SYNE1: variants seen among roughly 807,000 people sequenced by gnomAD.
The protein encoded by SYNE1 is nesprin-1.
SYNE1 carries 616 observed loss-of-function variants against 1,111.0 expected under a neutral mutation model. The ratio of observed to expected loss-of-function variants is 0.55; its 90% confidence interval spans 0.52 to 0.59. The LOEUF is 0.59. SYNE1 is among the 20% of genes least tolerant of loss of function. The pLI is 0.00. For synonymous variants in SYNE1, 3,855 were observed against 3,825.8 expected (o/e 1.01, Z -0.28); for missense variants, 10,006 against 10,417.0 (o/e 0.96, Z 1.72).
intron 56 of SYNE1, among the ~76,000 whole-genome samples, chr6:152,378,737 A>T (rs2097339893): frequency 6.6e-6 from 1 of 152,024 alleles, no homozygotes; most frequent in South Asian, 2.1e-4. Context: ...TCCTTTAAGT[A>T]CCCCCTGCCC....
At chr6:152,398,118 A>T (rs2097763881) in intron 49 of SYNE1, among the ~76,000 whole-genome samples, 5 of 152,104 alleles carry the variant, frequency 3.3e-5, no homozygotes, top group Admixed American at 3.3e-4. Context: ...TCTGTAAATC[A>T]TTTCTTAACT....
At chr6:152,411,904 G>T (rs779133182) in intron 42 of SYNE1, among the ~76,000 whole-genome samples, 5 of 152,092 alleles carry the variant, frequency 3.3e-5, no homozygotes, top group Non-Finnish European at 7.4e-5. Flanking sequence ...AGTTTGGCAG[G>T]TTCTTATAAA....
chr6:152,409,563 G>A lies in SYNE1; in HGVS notation c.6377C>T (p.Ser2126Phe), dbSNP rs1258276860. The change falls in exon 43 of 146, where the codon TCC (serine) becomes TTC (phenylalanine). Residue 2126 changes from serine to phenylalanine, a missense_variant. Around this residue, in one of 7 missense-constraint regions of SYNE1, gnomAD observed 4,955 missense variants for 5,017.2 expected, o/e 0.99. Coordinates refer to ENST00000367255, the MANE Select transcript of SYNE1 (RefSeq NM_182961.4). ...KDQEDLKWAF[S>F]KHETAKNKMN... ...TAAACACATTTTGAATTTTACCTTG[G>A]AAAAAGCCCATTTAAGATCCTCCTG... The A allele has an allele frequency of 6.2e-7, 1 of 1,613,404 alleles. No homozygotes were observed. The highest frequency in any genetic ancestry group is 2.2e-5 in the East Asian group (1 of 44,812).
Position 152,526,107 on chromosome 6 carries a change from A to G in SYNE1, c.198T>C (p.Leu66=), listed in dbSNP as rs2099162343. 6.2e-7 allele frequency: 1 copy of G among 1,614,022 alleles called. No individual in the cohort carries two copies. Among genetic ancestry groups the G allele is most frequent in the African/African-American group, 1.3e-5 (1 of 74,944 alleles). Residue 66 remains leucine, a synonymous_variant, in exon 5 of 146, where the codon CTT becomes CTC. Transcript: ENST00000367255. ...GTTTCTGCCCAGACAGGACCTCCAG[A>G]AGGGCAAGCAGTTTAACACCATCTT... ...DMKDGVKLLA[L]LEVLSGQKLP...
At chr6:152,320,554 T>C (rs1304786947) in intron 84 of SYNE1, among the ~76,000 whole-genome samples, 2 of 152,190 alleles carry the variant, frequency 1.3e-5, no homozygotes, top group African/African-American at 4.8e-5. Flanking sequence ...ACAGATGATA[T>C]TTGAGCCTAT....
chr6:152,455,927 T>C lies in SYNE1; in HGVS notation c.2686A>G (p.Arg896Gly). The change falls in exon 23 of 146, where the codon AGG (arginine) becomes GGG (glycine). Residue 896 changes from arginine (R) to glycine (G), a missense_variant. This residue lies in a region of SYNE1 where 1,971 missense variants were observed against 2,084.1 expected (regional missense o/e 0.95). Coordinates refer to ENST00000367255, the MANE Select transcript of SYNE1 (RefSeq NM_182961.4). ...ATATCTGCAATCTGTCTTTGTAGCC[T>C]CGTCTGATCAAAATGCTTTAACACG... The part of the protein sequence containing the change: ...SNVLKHFDQT[R>G]LQRQIADIHV... 6.2e-7 allele frequency: 1 copy of C among 1,614,134 alleles called. No homozygotes were observed. The highest frequency in any genetic ancestry group is 8.5e-7 in the Non-Finnish European group (1 of 1,179,994).
chr6:152,444,334 G>T, intron 30 of SYNE1, 77 bp downstream of exon 30: 1 of 1,518,426 alleles, frequency 6.6e-7, no homozygotes, highest in Non-Finnish European at 9.1e-7. Flanking sequence ...GCCAGTGGTT[G>T]TATTCTTTAT....
intron 20 of SYNE1, among the ~76,000 whole-genome samples, chr6:152,462,271 CA>C (rs2098738618): frequency 6.6e-6 from 1 of 151,840 alleles, no homozygotes; most frequent in Admixed American, 6.6e-5. Flanking sequence ...AAAATTTTTA[CA>C]AAGACAAAAG....
At chr6:152,360,050 G>A (rs564596261) in intron 64 of SYNE1, among the ~76,000 whole-genome samples, 4 of 152,260 alleles carry the variant, frequency 2.6e-5, no homozygotes, top group African/African-American at 9.6e-5. Context: ...GCAGATTCCT[G>A]GCCACCAATT....
intron 128 of SYNE1, among the ~76,000 whole-genome samples, chr6:152,187,671 T>C (rs919579083): frequency 2.0e-5 from 3 of 152,208 alleles, no homozygotes; most frequent in African/African-American, 7.2e-5. Context: ...ATTTCCTTTA[T>C]TCCTTGCCAT....
At chr6:152,254,082 T>G (rs983443443) in intron 104 of SYNE1, among the ~76,000 whole-genome samples, 4 of 151,464 alleles carry the variant, frequency 2.6e-5, no homozygotes, top group African/African-American at 9.7e-5. Flanking sequence ...CAATAAGAAT[T>G]ATAATATGGG....
chr6:152,399,251 T>C (rs904489651), intron 48 of SYNE1, among the ~76,000 whole-genome samples: 1 of 152,188 alleles, frequency 6.6e-6, no homozygotes, highest in Non-Finnish European at 1.5e-5. Context: ...AAGTTTATTG[T>C]GTCACTTCAT....
Position 152,399,723 on chromosome 6 carries a change from C to G in SYNE1, c.7130G>C (p.Ser2377Thr). 2 of 1,614,164 alleles carry G rather than the reference C, an allele frequency of 1.2e-6. No individual in the cohort carries two copies. Among genetic ancestry groups the G allele is most frequent in the Non-Finnish European group, 1.7e-6 (2 of 1,180,020 alleles). Residue 2377 changes from serine (S) to threonine (T), a missense_variant, in exon 48 of 146, where the codon AGC becomes ACC. By Grantham distance (58) the Ser-to-Thr change is moderately conservative. This residue lies in a region of SYNE1 where 4,955 missense variants were observed against 5,017.2 expected (regional missense o/e 0.99). Transcript: ENST00000367255. ...CRKYHSAELESLGRAMTGLIK... is the reference protein window; with the variant it reads ...CRKYHSAELETLGRAMTGLIK... ...CAGACCAGTCATTGCACGGCCCAGG[C>G]TCTCCAACTCAGCTGAGTGGTACTT... is the stretch of plus-strand genomic sequence containing the variant.
At chr6:152,159,682 G>A (rs2062048999) in intron 131 of SYNE1, among the ~76,000 whole-genome samples, 1 of 152,110 alleles carries the variant, frequency 6.6e-6, no homozygotes, top group Non-Finnish European at 1.5e-5. Flanking sequence ...ATGGCTCACT[G>A]CAGCCTCAAA....
intron 29 of SYNE1, 61 bp from the exon 30 acceptor site, chr6:152,444,639 A>AT: frequency 6.7e-7 from 1 of 1,503,692 alleles, no homozygotes; most frequent in Non-Finnish European, 9.0e-7. Flanking sequence ...AGTTTGTATA[A>AT]TTTTTTTGGT....
rs1198679380 is a variant in SYNE1, at chr6:152,369,618, C to T, written c.9508-4G>A. On this transcript the variant is annotated splice_region_variant and splice_polypyrimidine_tract_variant and intron_variant, in intron 59 of 145. Coordinates refer to ENST00000367255, the MANE Select transcript of SYNE1 (RefSeq NM_182961.4). ...CCTTCATTTGGATCTTTAGATTCTG[C>T]AAGGTTTTAGATAGTGTCCAGGACA... 6.2e-7 allele frequency: 1 copy of T among 1,613,976 alleles called. No individual in the cohort carries two copies. Among genetic ancestry groups the T allele is most frequent in the Non-Finnish European group, 8.5e-7 (1 of 1,180,000 alleles).
chr6:152,318,069 CG>C lies in SYNE1; in HGVS notation c.16572+11del, dbSNP rs1563020301. 6.2e-7 allele frequency: 1 copy of C among 1,614,138 alleles called. No homozygotes were observed. Among genetic ancestry groups the C allele is most frequent in the South Asian group, 1.1e-5 (1 of 91,078 alleles). On this transcript the variant is annotated intron_variant, in intron 86 of 145. Transcript: ENST00000367255. ...CCTTACACGATTTGGATTTCTGGCCCGGAACACATACCTGATTGAGCTTGGA... is the reference window on the plus strand; with the variant it reads ...CCTTACACGATTTGGATTTCTGGCCCGAACACATACCTGATTGAGCTTGGA...
chr6:152,624,254 C>T (rs1296216215), intron 3 of SYNE1, among the ~76,000 whole-genome samples: 1 of 152,112 alleles, frequency 6.6e-6, no homozygotes, highest in Non-Finnish European at 1.5e-5. Context: ...ACCACTTTTT[C>T]TGTAAGATTG....
intron 11 of SYNE1, among the ~76,000 whole-genome samples, chr6:152,492,552 C>T (rs189486864): frequency 9.7e-4 from 148 of 152,342 alleles, no homozygotes; most frequent in African/African-American, 3.3e-3. Context: ...TAAGCCATGT[C>T]CCACTTGTGC....
Sources: gnomAD v4.1 joint callset for allele counts (sites outside exome capture counted in the v4.1 genomes callset) on GRCh38, gnomAD v4.1.1 for gene constraint, gnomAD v4.1.1 regional missense constraint, MANE v1.5 for transcripts, NCBI Gene and HGNC (gene_info 2026-07-23, HGNC 2026-07-21) for gene names.